The following SBF2 variants were observed in gnomAD, a reference collection of about 807,000 sequenced individuals.
SBF2 encodes myotubularin-related protein 13.
SBF2 carries 112 observed loss-of-function variants against 225.2 expected under a neutral mutation model. The ratio of observed to expected loss-of-function variants is 0.50; its 90% CI spans 0.43 to 0.58. SBF2 has a LOEUF of 0.58. SBF2 is among the 20% of genes least tolerant of loss of function. The pLI is 0.00. For missense variants in SBF2, 1,996 were observed against 2,206.2 expected (o/e 0.90, Z 1.91); for synonymous variants, 763 against 773.3 (o/e 0.99, Z 0.22).
chr11:9,810,535 C>T (rs1854124640), intron 30 of SBF2: 1 of 152,070 alleles, frequency 6.6e-6, no homozygotes, highest in African/African-American at 2.4e-5. Flanking sequence ...AATGAAAAAA[C>T]CCATCTCTTA....
chr11:10,164,268 A>C (rs981046851), intron 2 of SBF2, among the ~76,000 whole-genome samples: 4 of 152,194 alleles, frequency 2.6e-5, no homozygotes, highest in Non-Finnish European at 5.9e-5. Flanking sequence ...GTCTTACATC[A>C]TAATTTTGTA....
At chr11:10,157,626 A>G (rs1343905926) in intron 2 of SBF2, among the ~76,000 whole-genome samples, 4 of 152,216 alleles carry the variant, frequency 2.6e-5, no homozygotes, top group Non-Finnish European at 5.9e-5. Context: ...AAATAAGCTT[A>G]GGGCTCCCAC....
rs1220835376 is a variant in SBF2, at chr11:9,992,489, G to A, written c.1222C>T (p.Leu408Phe). Residue 408 changes from leucine to phenylalanine, a missense_variant, in exon 12 of 40, where the codon CTC becomes TTC. Leu to Phe is a conservative substitution (Grantham distance 22). Transcript: ENST00000256190. ...LVENDFLTKVLSGMAFAGFVS... is the reference protein window; with the variant it reads ...LVENDFLTKVFSGMAFAGFVS... ...AAACCTGCAAATGCCATTCCACTGA[G>A]TACTTTAGTGAGGAAATCATTCTCG... The A allele has an allele frequency of 1.2e-6, 2 of 1,612,992 alleles. No individual in the cohort carries two copies. Among genetic ancestry groups the A allele is most frequent in the Non-Finnish European group, 1.7e-6 (2 of 1,179,368 alleles).
In SBF2 at chr11:10,260,589, A is replaced by G. The variant is rs576985883; in HGVS notation, c.55+33426T>C. On this transcript the variant is annotated intron_variant, in intron 1 of 39. Transcript: ENST00000256190. ...AAATTAGCTGGGCGTGGTGGCGGGC[A>G]CCTGTAGTCCCAGCTACTCAGGAGA... Among the ~76,000 whole-genome samples the G allele has an allele frequency of 8.5e-4, 129 of 150,892 alleles. 1 individual carries two copies. The highest frequency in any genetic ancestry group is 2.5e-3 in the Admixed American group (38 of 15,046).
intron 6 of SBF2, among the ~76,000 whole-genome samples, chr11:10,009,364 C>A (rs1948342041): frequency 6.6e-6 from 1 of 152,060 alleles, no homozygotes; most frequent in South Asian, 2.1e-4. Flanking sequence ...ACCCATCAAC[C>A]TGTCATCTAC....
chr11:10,112,313 C>A (rs571215224), intron 2 of SBF2, among the ~76,000 whole-genome samples: 1 of 152,176 alleles, frequency 6.6e-6, no homozygotes, highest in Non-Finnish European at 1.5e-5. Flanking sequence ...CAGGAGGTGA[C>A]TGAATTATGG....
rs538500191 is a variant in SBF2, at chr11:9,879,276, C to T, written c.1929+16667G>A. On this transcript the variant is annotated intron_variant, in intron 17 of 39. Coordinates refer to ENST00000256190, the MANE Select transcript of SBF2 (RefSeq NM_030962.4). ...CTATTCATAAAGTTCTTTTTAGGGA[C>T]ACATAGTTATTAAAATCTTTGCTTT... Among the ~76,000 whole-genome samples, 190 of 152,326 alleles carry T rather than the reference C, an allele frequency of 1.2e-3. 3 individuals carry two copies. Among genetic ancestry groups the T allele is most frequent in the Non-Finnish European group, 1.5e-4 (10 of 68,030 alleles).
At chr11:10,258,270 A>G (rs1961076274) in intron 1 of SBF2, among the ~76,000 whole-genome samples, 2 of 152,010 alleles carry the variant, frequency 1.3e-5, no homozygotes, top group South Asian at 4.2e-4. Context: ...ACATCTAGCT[A>G]ATTTTTTATT....
intron 12 of SBF2, among the ~76,000 whole-genome samples, chr11:9,990,172 GA>G (rs57975507): frequency 5.1e-4 from 76 of 149,254 alleles, no homozygotes; most frequent in African/African-American, 1.6e-3. Flanking sequence ...AAGGCTGACA[GA>G]AAAAAAAAAT....
intron 2 of SBF2, among the ~76,000 whole-genome samples, chr11:10,075,711 T>C (rs1280495971): frequency 6.6e-6 from 1 of 152,240 alleles, no homozygotes; most frequent in Non-Finnish European, 1.5e-5. Flanking sequence ...CCATGCCTCC[T>C]GTACAGCCAG....
chr11:9,846,834 C>G (rs1435596526), intron 23 of SBF2, 122 bp downstream of exon 23: 2 of 1,117,720 alleles, frequency 1.8e-6, no homozygotes, highest in East Asian at 2.4e-5. Context: ...CTCTCAGACC[C>G]TATGATCTTC....
rs145724235 is a variant in SBF2 at position 10,299,983 on chromosome 11, C to T, written n.386+4509G>A. Among the ~76,000 whole-genome samples, 171 of 152,332 alleles carry T rather than the reference C, an allele frequency of 1.1e-3. 1 individual carries two copies. Among genetic ancestry groups the T allele is most frequent in the Non-Finnish European group, 2.2e-3 (150 of 68,030 alleles). On this transcript the variant is annotated intron_variant and non_coding_transcript_variant, in intron 1 of 5. Transcript: ENST00000685217. ...CTGACCCTGATGACCTCTTTAATCT[C>T]ATTTCAGGCCTCTTTTCTCTATCAT...
intron 2 of SBF2, among the ~76,000 whole-genome samples, chr11:10,186,186 G>A (rs1956928004): frequency 6.6e-6 from 1 of 152,202 alleles, no homozygotes. Context: ...GAGATATACA[G>A]AGTGAGGTAT....
intron 1 of SBF2, among the ~76,000 whole-genome samples, chr11:10,196,511 T>C (rs1957359157): frequency 1.3e-5 from 2 of 152,072 alleles, no homozygotes; most frequent in African/African-American, 2.4e-5. Flanking sequence ...TCCAAGTAGC[T>C]GGGACTGCAG....
At chr11:10,208,754 T>C (rs1478287390) in intron 1 of SBF2, among the ~76,000 whole-genome samples, 1 of 152,110 alleles carries the variant, frequency 6.6e-6, no homozygotes, top group Non-Finnish European at 1.5e-5. Context: ...CAGACAAATT[T>C]CTTGGAACCA....
intron 2 of SBF2, among the ~76,000 whole-genome samples, chr11:10,167,980 T>G (rs948874768): frequency 2.0e-5 from 3 of 152,234 alleles, no homozygotes; most frequent in Non-Finnish European, 4.4e-5. Context: ...ATCGTGCCAC[T>G]GCACTCCAGC....
At chr11:9,886,502 G>A (rs538815366) in intron 17 of SBF2, among the ~76,000 whole-genome samples, 1 of 152,092 alleles carries the variant, frequency 6.6e-6, no homozygotes, top group East Asian at 1.9e-4. Flanking sequence ...TTTCTGGACA[G>A]ATCCACATAG....
At chr11:10,169,472 C>T (rs1311230339) in intron 2 of SBF2, among the ~76,000 whole-genome samples, 1 of 152,166 alleles carries the variant, frequency 6.6e-6, no homozygotes, top group Non-Finnish European at 1.5e-5. Flanking sequence ...TTTCATTCAA[C>T]ATGACTTCCA....
At chr11:10,161,793 T>A (rs12421666) in intron 2 of SBF2, among the ~76,000 whole-genome samples, 6 of 143,330 alleles carry the variant, frequency 4.2e-5, no homozygotes, top group African/African-American at 1.5e-4. Flanking sequence ...TAGCAAGACC[T>A]CCTTCTCTAC....
Sources: allele counts gnomAD v4.1 joint callset (sites outside exome capture counted in the v4.1 genomes callset), GRCh38; gene constraint gnomAD v4.1.1; transcripts MANE v1.5; gene names NCBI Gene and HGNC (gene_info 2026-07-23, HGNC 2026-07-21).